The following TSPEAR variants were observed in gnomAD, a reference collection of about 807,000 sequenced individuals.
TSPEAR encodes the protein thrombospondin type laminin G domain and EAR repeats.
A neutral mutation model predicts 71.6 loss-of-function variants in TSPEAR; 69 were observed. That is an observed-to-expected ratio of 0.96 (90% CI 0.79 to 1.18). The LOEUF (loss-of-function observed/expected upper bound fraction) is 1.18. Among genes scored for constraint, TSPEAR ranks in the 50% most tolerant of loss-of-function variants. The pLI is 0.00. For missense variants in TSPEAR, 971 were observed against 894.9 expected (o/e 1.09, Z -1.09); for synonymous variants, 402 against 387.2 (o/e 1.04, Z -0.45).
intron 1 of TSPEAR, among the ~76,000 whole-genome samples, chr21:44,594,822 A>ATTTTTTTTTTTTT (rs34221889): frequency 1.6e-5 from 2 of 125,538 alleles, no homozygotes; most frequent in African/African-American, 6.3e-5. Context: ...CGGATCTGTG[A>ATTTTTTTTTTTTT]TTTTTTTTTT....
At chr21:44,513,745 C>A (rs587725110) in intron 9 of TSPEAR, among the ~76,000 whole-genome samples, 1 of 152,176 alleles carries the variant, frequency 6.6e-6, no homozygotes, top group African/African-American at 2.4e-5. Context: ...AAAGAGGATG[C>A]CTCTGTGGTC....
chr21:44,583,109 C>T (rs587615753), intron 1 of TSPEAR, among the ~76,000 whole-genome samples: 2 of 152,274 alleles, frequency 1.3e-5, no homozygotes, highest in African/African-American at 4.8e-5. Flanking sequence ...CCCAAAAGTG[C>T]AGGCATTACA....
intron 2 of TSPEAR, among the ~76,000 whole-genome samples, chr21:44,549,535 C>A (rs1166243271): frequency 6.6e-6 from 1 of 152,172 alleles, no homozygotes; most frequent in Admixed American, 6.5e-5. Context: ...ATAATGTGTG[C>A]CCCCCGCATT....
Position 44,533,909 on chromosome 21 carries a change from C to T in TSPEAR, c.318G>A (p.Leu106=). 4 of 1,611,118 alleles carry T rather than the reference C, an allele frequency of 2.5e-6. No homozygotes were observed. The highest frequency in any genetic ancestry group is 2.5e-6 in the Non-Finnish European group (3 of 1,179,374). Residue 106 remains leucine, a synonymous_variant, in exon 3 of 12, where the codon CTG becomes CTA. Coordinates refer to ENST00000323084, the MANE Select transcript of TSPEAR (RefSeq NM_144991.3). ...CGCTCTCCTCTGCCACCACCGTCAG[C>T]AGGTACTCGTTCCTCTGTGGAGAGC... ...PNLPPKRNEY[L]LTVVAEESDL...
At chr21:44,555,632 C>T (rs2053514771) in intron 2 of TSPEAR, among the ~76,000 whole-genome samples, 1 of 151,850 alleles carries the variant, frequency 6.6e-6, no homozygotes, top group East Asian at 1.9e-4. Context: ...CCCTCCCAGT[C>T]CTTATGTGGT....
intron 1 of TSPEAR, among the ~76,000 whole-genome samples, chr21:44,615,293 A>G (rs1982004396): frequency 6.6e-6 from 1 of 152,250 alleles, no homozygotes; most frequent in South Asian, 2.1e-4. Flanking sequence ...CGCTCACCCG[A>G]CCCGCACACA....
At chr21:44,615,560 T>TGTTTTG (rs1461668334) in intron 1 of TSPEAR, among the ~76,000 whole-genome samples, 3,657 of 146,894 alleles carry the variant, frequency 0.025, 152 homozygotes, top group African/African-American at 0.092. Context: ...TTTTTTTTTT[T>TGTTTTG]TTTTTAAATT....
rs782217512 is a variant in TSPEAR at position 44,612,634 on chromosome 21, T to C, written c.83-44629A>G. 7 of 1,613,486 alleles carry C rather than the reference T, an allele frequency of 4.3e-6. No individual in the cohort carries two copies. Among genetic ancestry groups the C allele is most frequent in the Non-Finnish European group, 5.1e-6 (6 of 1,179,888 alleles). On this transcript the variant is annotated intron_variant, in intron 1 of 11. Transcript: ENST00000323084. This position sits in a 1 kb window ranked among gnomAD's most constrained non-coding sequence, Gnocchi z 4.1. ...GCTGCAAGCCCATCTGCTGTGTGCC[T>C]GTCTGCTCTGGGGCTTCCTCTCTGT...
intron 9 of TSPEAR, among the ~76,000 whole-genome samples, chr21:44,514,143 C>T (rs1333045963): frequency 2.0e-5 from 3 of 152,216 alleles, no homozygotes; most frequent in Non-Finnish European, 4.4e-5. Flanking sequence ...CTCTGCCCAG[C>T]CCCTTCAGGC....
At position 44,527,342 on chromosome 21, in the gene TSPEAR, T is replaced by A. The variant is rs2145973877; in HGVS notation, c.1099A>T (p.Ile367Phe). ...TEEKFVSYQN[I>F]PTHQAQAWRH... Reference sequence around the variant, plus strand: ...CAGGCCTGTGCTTGGTGCGTGGGGATGTTCTGATATGAGACGAACTTCTCT... The same window carrying A: ...CAGGCCTGTGCTTGGTGCGTGGGGAAGTTCTGATATGAGACGAACTTCTCT... The change falls in exon 7 of 12, where the codon ATC (isoleucine) becomes TTC (phenylalanine). Residue 367 changes from isoleucine (I) to phenylalanine (F), a missense_variant. By Grantham distance (21) the Ile-to-Phe change is conservative (BLOSUM62 0). Transcript: ENST00000323084. 3.7e-6 allele frequency: 6 copies of A among 1,614,214 alleles called. No individual in the cohort carries two copies. The highest frequency in any genetic ancestry group is 5.1e-6 in the Non-Finnish European group (6 of 1,180,046).
rs587667998 is a variant in TSPEAR, at chr21:44,533,726, G to A, written c.501C>T (p.Gly167=). The A allele has an allele frequency of 1.2e-5, 19 of 1,611,818 alleles. No individual in the cohort carries two copies. The Admixed American group carries it at 1.3e-4, about 11-fold the overall frequency. ...CGCAGTCCGTGGTGAGGGAGAAGAC[G>A]CCTGCGGACACAGCCAGGACCAGTG... ...WHTLVLAVSA[G]VFSLTTDCGL... is the part of the protein sequence containing the mutation. The change falls in exon 3 of 12, where the codon GGC becomes GGT. Residue 167 remains glycine, a synonymous_variant. Transcript: ENST00000323084.
chr21:44,531,769 G>C (rs1273099572), intron 3 of TSPEAR, among the ~76,000 whole-genome samples: 1 of 152,220 alleles, frequency 6.6e-6, no homozygotes, highest in Non-Finnish European at 1.5e-5. Flanking sequence ...ATGGCTTCAG[G>C]ACAGGAAGGA....
intron 1 of TSPEAR, among the ~76,000 whole-genome samples, chr21:44,663,596 A>G (rs1569247000): frequency 6.6e-6 from 1 of 152,144 alleles, no homozygotes. Context: ...TTCCCGATTA[A>G]ATTCATAGAG....
intron 1 of TSPEAR, among the ~76,000 whole-genome samples, chr21:44,689,712 AAT>A (rs71199618): frequency 0.014 from 885 of 62,004 alleles, 77 homozygotes; most frequent in African/African-American, 0.064. Context: ...GAATAGAATG[AAT>A]ATATATATAT....
At position 44,710,974 on chromosome 21, in the gene TSPEAR, G is replaced by C. The variant is rs548286354; in HGVS notation, c.82+459C>G. On this transcript the variant is annotated intron_variant, in intron 1 of 11. Coordinates refer to ENST00000323084, the MANE Select transcript of TSPEAR (RefSeq NM_144991.3). This position sits in a 1 kb window ranked among gnomAD's most constrained non-coding sequence, Gnocchi z 4.6. ...GTGTCTCCAGCTTTTTGCTCATGTG[G>C]GGAAGGAGCAGGGCCGGTGTGGCCC... Among the ~76,000 whole-genome samples, 1 of 152,338 alleles carries C rather than the reference G, an allele frequency of 6.6e-6. No homozygotes were observed. Among genetic ancestry groups the C allele is most frequent in the South Asian group, 2.1e-4 (1 of 4,828 alleles).
At chr21:44,615,859 G>A (rs1285671339) in intron 1 of TSPEAR, among the ~76,000 whole-genome samples, 4 of 152,306 alleles carry the variant, frequency 2.6e-5, no homozygotes, top group East Asian at 1.9e-4. Flanking sequence ...ACCCAGGAGC[G>A]TCCTCCCGGG....
chr21:44,710,412 GA>G lies in TSPEAR; in HGVS notation c.82+1020del, dbSNP rs1988158427. ...TCCCTGGGTGGGCAGGCACGTTTATGACCCCCACCCCCACCCCCACCCCCCA... is the reference window on the plus strand; with the variant it reads ...TCCCTGGGTGGGCAGGCACGTTTATGCCCCCACCCCCACCCCCACCCCCCA... On this transcript the variant is annotated intron_variant, in intron 1 of 11. Transcript: ENST00000323084. This position sits in a 1 kb window ranked among gnomAD's most constrained non-coding sequence, Gnocchi z 4.6. Among the ~76,000 whole-genome samples the G allele has an allele frequency of 6.6e-6, 1 of 150,484 alleles. No individual in the cohort carries two copies. Among genetic ancestry groups the G allele is most frequent in the African/African-American group, 2.5e-5 (1 of 40,692 alleles).
chr21:44,678,516 A>G (rs942194453), intron 1 of TSPEAR, among the ~76,000 whole-genome samples: 67 of 152,312 alleles, frequency 4.4e-4, no homozygotes, highest in African/African-American at 1.6e-3. Flanking sequence ...CAGAACCATA[A>G]GCCAATTAAA....
intron 1 of TSPEAR, among the ~76,000 whole-genome samples, chr21:44,660,504 C>G (rs1985426785): frequency 6.6e-6 from 1 of 152,156 alleles, no homozygotes; most frequent in Non-Finnish European, 1.5e-5. Flanking sequence ...ATCCGTCGAC[C>G]CTATGACACT....
Sources: allele counts gnomAD v4.1 joint callset (sites outside exome capture counted in the v4.1 genomes callset), GRCh38; gene constraint gnomAD v4.1.1; non-coding constraint Gnocchi (gnomAD v3.1); transcripts MANE v1.5; gene names NCBI Gene and HGNC (gene_info 2026-07-23, HGNC 2026-07-21).